NHSL1: variants seen among roughly 807,000 people sequenced by gnomAD.
NHSL1 encodes the protein NHS like 1.
In NHSL1, 48 loss-of-function variants were observed where a neutral mutation model predicts 95.0. That is an observed-to-expected ratio of 0.51 (90% CI 0.40 to 0.64). NHSL1 has a LOEUF of 0.64. NHSL1 is among the 30% of genes least tolerant of loss of function. NHSL1 has a pLI of 0.00. For missense variants in NHSL1, 1,971 were observed against 2,077.7 expected (o/e 0.95, Z 1.00); for synonymous variants, 783 against 833.9 (o/e 0.94, Z 1.05).
At chr6:138,490,622 T>C (rs1286204132) in intron 2 of NHSL1, among the ~76,000 whole-genome samples, 2 of 152,086 alleles carry the variant, frequency 1.3e-5, no homozygotes, top group African/African-American at 2.4e-5. Context: ...TCCATAATTT[T>C]AGGAAAGGTA....
At chr6:138,579,158 C>T (rs868744862) in intron 1 of NHSL1, among the ~76,000 whole-genome samples, 19 of 152,328 alleles carry the variant, frequency 1.2e-4, no homozygotes, top group South Asian at 4.1e-4. Flanking sequence ...CAGCAATGCT[C>T]GCTTGCCCAC....
At chr6:138,626,593 T>G (rs1784740103) in intron 1 of NHSL1, among the ~76,000 whole-genome samples, 1 of 151,800 alleles carries the variant, frequency 6.6e-6, no homozygotes, top group Admixed American at 6.5e-5. Flanking sequence ...ATCAAGAAAC[T>G]TTCTTAAAAA....
intron 1 of NHSL1, among the ~76,000 whole-genome samples, chr6:138,564,855 G>C (rs113286892): frequency 6.6e-6 from 1 of 152,106 alleles, no homozygotes; most frequent in South Asian, 2.1e-4. Flanking sequence ...GTTTTAAAGC[G>C]AGTCTAGAAG....
chr6:138,634,490 C>T (rs1211066889), intron 1 of NHSL1, among the ~76,000 whole-genome samples: 1 of 152,082 alleles, frequency 6.6e-6, no homozygotes, highest in Non-Finnish European at 1.5e-5. Context: ...ATAAAGGTGT[C>T]AATTCAGCAA....
chr6:138,597,275 T>G (rs1374828313), intron 1 of NHSL1, among the ~76,000 whole-genome samples: 3 of 152,230 alleles, frequency 2.0e-5, no homozygotes, highest in Non-Finnish European at 4.4e-5. Flanking sequence ...TTTCCGAAGT[T>G]TTGATCTGGT....
At chr6:138,481,978 T>C (rs1583274119) in intron 2 of NHSL1, among the ~76,000 whole-genome samples, 1 of 152,256 alleles carries the variant, frequency 6.6e-6, no homozygotes, top group East Asian at 1.9e-4. Context: ...TAAAAGTAAA[T>C]ATTTTATCTC....
intron 4 of NHSL1, among the ~76,000 whole-genome samples, chr6:138,444,552 G>A (rs1025991299): frequency 3.9e-5 from 6 of 151,916 alleles, no homozygotes; most frequent in Admixed American, 3.3e-4. Context: ...TGCATGGTGG[G>A]CTGCACTCTG....
intron 1 of NHSL1, among the ~76,000 whole-genome samples, chr6:138,633,541 T>C (rs1784849642): frequency 6.7e-6 from 1 of 149,668 alleles, no homozygotes; most frequent in East Asian, 2.0e-4. Flanking sequence ...ATACTTAAAG[T>C]GCTGAAGGAA....
Position 138,499,413 on chromosome 6 carries a change from C to T in NHSL1, c.-123G>A. On this transcript the variant is annotated 5_prime_UTR_variant, in exon 1 of 8. Transcript: ENST00000343505. The stretch of plus-strand genomic sequence containing the variant: ...ACTTTTTCTTCCCCCGGTCTCATAT[C>T]CTTAGACATCTGCCCAGGCTGATGT... 6.8e-7 allele frequency: 1 copy of T among 1,468,178 alleles called. No homozygotes were observed. The highest frequency in any genetic ancestry group is 9.1e-7 in the Non-Finnish European group (1 of 1,103,880). The allele number at this position is 1,468,178 out of a possible 1,614,324, so 90.9% of individuals were successfully genotyped here.
chr6:138,636,055 G>A (rs753683840), intron 1 of NHSL1, among the ~76,000 whole-genome samples: 4 of 148,544 alleles, frequency 2.7e-5, no homozygotes, highest in South Asian at 4.2e-4. Context: ...CCCAGGAGGC[G>A]AAGGTTGCAG....
Position 138,431,209 on chromosome 6 carries a change from AT to A in NHSL1, c.3135del (p.Glu1045AspfsTer7). ...RPPFTNSGQPESSRGSLRPPS... is the reference protein window; with the variant it reads ...RPPFTNSGQPXSSRGSLRPPS... ...GGCGGCCTCAAGGATCCCCGGGAGG[AT>A]TCTGGCTGGCCAGAATTTGTGAAAG... On this transcript the variant is annotated frameshift_variant, in exon 6 of 8. Coordinates refer to ENST00000343505, the MANE Select transcript of NHSL1 (RefSeq NM_001144060.2). LOFTEE classifies it high-confidence loss of function. This position sits in a 1 kb window ranked among gnomAD's most constrained non-coding sequence, Gnocchi z 4.0. 1 of 1,534,474 alleles carries A rather than the reference AT, an allele frequency of 6.5e-7. No individual in the cohort carries two copies. The highest frequency in any genetic ancestry group is 8.8e-7 in the Non-Finnish European group (1 of 1,137,014).
chr6:138,597,653 G>A (rs1437819047), intron 1 of NHSL1, among the ~76,000 whole-genome samples: 1 of 152,132 alleles, frequency 6.6e-6, no homozygotes, highest in Non-Finnish European at 1.5e-5. Flanking sequence ...TTTCATCATG[G>A]TAATTCCACA....
intron 1 of NHSL1, among the ~76,000 whole-genome samples, chr6:138,614,953 T>C (rs1184180299): frequency 1.4e-4 from 9 of 64,760 alleles, no homozygotes; most frequent in Admixed American, 1.1e-3. Context: ...TGTGGGAAAA[T>C]TGTCTTCCAA....
chr6:138,594,722 C>G (rs964719557), intron 1 of NHSL1, among the ~76,000 whole-genome samples: 2 of 152,000 alleles, frequency 1.3e-5, no homozygotes, highest in African/African-American at 4.8e-5. Context: ...TTGACACTGA[C>G]AAGGAAAGGG....
At chr6:138,448,145 C>G (rs566822433) in intron 3 of NHSL1, among the ~76,000 whole-genome samples, 18 of 152,284 alleles carry the variant, frequency 1.2e-4, no homozygotes, top group African/African-American at 3.8e-4. Flanking sequence ...TTCTTCAATA[C>G]CTTTCTTTCC....
At chr6:138,524,341 T>TAG (rs1781812591) in intron 1 of NHSL1, among the ~76,000 whole-genome samples, 1 of 152,158 alleles carries the variant, frequency 6.6e-6, no homozygotes, top group Non-Finnish European at 1.5e-5. Flanking sequence ...CAGATCAAGA[T>TAG]AGAGATCATT....
chr6:138,450,957 C>T (rs1051664226), intron 3 of NHSL1, among the ~76,000 whole-genome samples: 2 of 152,160 alleles, frequency 1.3e-5, no homozygotes, highest in Admixed American at 1.3e-4. Flanking sequence ...CTCTTAACTA[C>T]CCCCACTTTT....
chr6:138,467,181 A>T (rs1412503497), intron 3 of NHSL1, among the ~76,000 whole-genome samples: 1 of 151,458 alleles, frequency 6.6e-6, no homozygotes, highest in Non-Finnish European at 1.5e-5. Context: ...TTGAGACGGA[A>T]TCTCGCTGTC....
intron 1 of NHSL1, chr6:138,571,647 G>C: frequency 6.8e-7 from 1 of 1,481,480 alleles, no homozygotes; most frequent in Non-Finnish European, 9.1e-7. Flanking sequence ...GGGAGTGATA[G>C]AAACAAAGAA....
Sources: allele counts gnomAD v4.1 joint callset (sites outside exome capture counted in the v4.1 genomes callset), GRCh38; gene constraint gnomAD v4.1.1; non-coding constraint Gnocchi (gnomAD v3.1); transcripts MANE v1.5; gene names NCBI Gene and HGNC (gene_info 2026-07-23, HGNC 2026-07-21).